Variants in PITPNC1 observed in about 807,000 individuals in gnomAD.
PITPNC1 encodes phosphatidylinositol transfer protein cytoplasmic 1.
In PITPNC1, 18 loss-of-function variants were observed where a neutral mutation model predicts 44.7. The observed-to-expected ratio is 0.40, with a 90% CI of 0.28 to 0.60. The LOEUF is 0.60. PITPNC1 is among the 20% of genes least tolerant of loss of function. PITPNC1 has a pLI of 0.39. For missense variants in PITPNC1, 290 were observed against 418.4 expected, an observed-to-expected ratio of 0.69 and a Z score of 2.68; for synonymous variants, 141 against 149.6, an observed-to-expected ratio of 0.94 and a Z score of 0.42.
intron 4 of PITPNC1, among the ~76,000 whole-genome samples, chr17:67,559,815 C>T (rs1399001702): frequency 6.6e-6 from 1 of 152,156 alleles, no homozygotes; most frequent in Non-Finnish European, 1.5e-5. Flanking sequence ...GTGGAGGTTG[C>T]AGTGAGCCGG....
rs571632993 is a variant in PITPNC1 at position 67,659,644 on chromosome 17, G to A, written c.463-9864G>A. Among the ~76,000 whole-genome samples, 2 of 152,324 alleles carry A rather than the reference G, an allele frequency of 1.3e-5. 1 individual carries two copies. The highest frequency in any genetic ancestry group is 4.1e-4 in the South Asian group (2 of 4,828). On this transcript the variant is annotated intron_variant, in intron 6 of 8. Coordinates refer to ENST00000581322, the MANE Select transcript of PITPNC1 (RefSeq NM_012417.4). ...GAGGGGAACAGCATGTCAGCACAGT[G>A]GGGGAAGGAATTGATGGTGGCCATC...
In PITPNC1 at chr17:67,516,643, T is replaced by G. The variant is rs544219262; in HGVS notation, c.49-16159T>G. On this transcript the variant is annotated intron_variant, in intron 1 of 8. Transcript: ENST00000581322. ...TTTCTTGCCATGCTAGTTTCTTTTTTGAGATGGAGTCTAGCTCAGTCGCCC... is the reference window on the plus strand; with the variant it reads ...TTTCTTGCCATGCTAGTTTCTTTTTGGAGATGGAGTCTAGCTCAGTCGCCC... 9.2e-5 allele frequency among the ~76,000 whole-genome samples: 14 copies of G among 152,260 alleles called. No individual in the cohort carries two copies. In the East Asian group the frequency reaches 2.7e-3, roughly 29 times the overall value.
chr17:67,458,622 C>T (rs954502713), intron 1 of PITPNC1, among the ~76,000 whole-genome samples: 1 of 152,138 alleles, frequency 6.6e-6, no homozygotes, highest in Non-Finnish European at 1.5e-5. Flanking sequence ...ACATTGTACT[C>T]CCTCTTTCAA....
At chr17:67,503,323 A>C (rs2040060335) in intron 1 of PITPNC1, among the ~76,000 whole-genome samples, 1 of 152,100 alleles carries the variant, frequency 6.6e-6, no homozygotes, top group South Asian at 2.1e-4. Flanking sequence ...AAAAAATGAT[A>C]TCACTTAATG....
chr17:67,506,328 C>T (rs1353404756), intron 1 of PITPNC1, among the ~76,000 whole-genome samples: 1 of 152,092 alleles, frequency 6.6e-6, no homozygotes, highest in Non-Finnish European at 1.5e-5. Context: ...ATACAATCTC[C>T]CTTTAGATTT....
At chr17:67,478,048 C>G (rs894085451) in intron 1 of PITPNC1, among the ~76,000 whole-genome samples, 2 of 152,170 alleles carry the variant, frequency 1.3e-5, no homozygotes, top group Non-Finnish European at 2.9e-5. Context: ...TACATTACCT[C>G]TAGCTCAGAC....
rs2042957350 is a variant in PITPNC1 at position 67,692,991 on chromosome 17, T to C, written c.*103T>C. ...AAAAGACTGCTTTGTCACTCAAACA[T>C]GTTCCTTCGACCTTTCAGTGTGCAT... On this transcript the variant is annotated 3_prime_UTR_variant, in exon 9 of 9. Transcript: ENST00000581322. The C allele has an allele frequency of 5.3e-6, 4 of 753,564 alleles. No individual in the cohort carries two copies. The highest frequency in any genetic ancestry group is 3.5e-5 in the South Asian group (2 of 56,358). The allele number at this position is 753,564 out of a possible 1,614,324, so 46.7% of individuals were successfully genotyped here.
chr17:67,495,941 TAA>T (rs34978233), intron 1 of PITPNC1, among the ~76,000 whole-genome samples: 2 of 152,272 alleles, frequency 1.3e-5, no homozygotes, highest in African/African-American at 4.8e-5. Flanking sequence ...AATTGGCATT[TAA>T]AAGGTAGAAA....
chr17:67,448,229 G>A (rs528462516), intron 1 of PITPNC1, among the ~76,000 whole-genome samples: 72 of 152,248 alleles, frequency 4.7e-4, no homozygotes, highest in Non-Finnish European at 9.1e-4. Flanking sequence ...TTACAGGCAT[G>A]AGCCACTGCG....
chr17:67,477,821 G>C (rs2039651512), intron 1 of PITPNC1, among the ~76,000 whole-genome samples: 2 of 152,284 alleles, frequency 1.3e-5, no homozygotes, highest in Middle Eastern at 3.4e-3. Context: ...TTGAAGCCAT[G>C]AGAGAGTCCA....
chr17:67,414,142 A>T (rs2038551575), intron 1 of PITPNC1, among the ~76,000 whole-genome samples: 1 of 151,854 alleles, frequency 6.6e-6, no homozygotes, highest in African/African-American at 2.4e-5. Flanking sequence ...ACTCCCATGT[A>T]CCCTCAACCC....
intron 1 of PITPNC1, among the ~76,000 whole-genome samples, chr17:67,408,025 G>T (rs1411233451): frequency 6.6e-6 from 1 of 151,770 alleles, no homozygotes; most frequent in Non-Finnish European, 1.5e-5. Flanking sequence ...GGGCAATCTC[G>T]ATTGAACGCA....
At chr17:67,474,330 C>G (rs1372924635) in intron 1 of PITPNC1, among the ~76,000 whole-genome samples, 3 of 152,164 alleles carry the variant, frequency 2.0e-5, no homozygotes, top group African/African-American at 7.2e-5. Flanking sequence ...TTTTCTGTGA[C>G]GACAATGGGA....
chr17:67,519,171 G>GTTTTTTTTTTTTTTTTTT, intron 1 of PITPNC1, among the ~76,000 whole-genome samples: 1 of 78,754 alleles, frequency 1.3e-5, no homozygotes, highest in Non-Finnish European at 2.3e-5. Flanking sequence ...GCAGCATTCT[G>GTTTTTTTTTTTTTTTTTT]TTTTTTTTTT....
chr17:67,481,850 G>T (rs2039708637), intron 1 of PITPNC1, among the ~76,000 whole-genome samples: 1 of 149,482 alleles, frequency 6.7e-6, no homozygotes, highest in African/African-American at 2.5e-5. Context: ...TGAGAAACCG[G>T]ACCAATAACA....
intron 1 of PITPNC1, among the ~76,000 whole-genome samples, chr17:67,470,582 G>GT (rs1039111135): frequency 2.0e-5 from 3 of 151,962 alleles, no homozygotes; most frequent in Admixed American, 6.5e-5. Flanking sequence ...GAGGTGGGGG[G>GT]GGTCAGCCCC....
chr17:67,512,129 G>A (rs1298023993), intron 1 of PITPNC1, among the ~76,000 whole-genome samples: 1 of 152,184 alleles, frequency 6.6e-6, no homozygotes, highest in Non-Finnish European at 1.5e-5. Flanking sequence ...GGGTGAGAAA[G>A]ATCCACGTTG....
chr17:67,496,780 C>T (rs181023063), intron 1 of PITPNC1, among the ~76,000 whole-genome samples: 3 of 152,038 alleles, frequency 2.0e-5, no homozygotes, highest in Admixed American at 6.6e-5. Context: ...GGTTGAGGGT[C>T]GTAATTTCAA....
chr17:67,518,897 A>T (rs79804871), intron 1 of PITPNC1, among the ~76,000 whole-genome samples: 7,925 of 152,262 alleles, frequency 0.052, 257 homozygotes, highest in Middle Eastern at 0.11. Flanking sequence ...GAGCTATTTC[A>T]CACCACTGCA....
Sources: allele counts gnomAD v4.1 joint callset (sites outside exome capture counted in the v4.1 genomes callset), GRCh38; gene constraint gnomAD v4.1.1; transcripts MANE v1.5; gene names NCBI Gene and HGNC (gene_info 2026-07-23, HGNC 2026-07-21).